The following CCSER1 variants were observed in gnomAD, a reference collection of about 807,000 sequenced individuals.
CCSER1 encodes coiled-coil serine rich protein 1, also known as serine-rich coiled-coil domain-containing protein 1.
In CCSER1, 41 loss-of-function variants were observed where a neutral mutation model predicts 82.0. The ratio of observed to expected loss-of-function variants is 0.50; its 90% CI spans 0.39 to 0.65. The LOEUF (loss-of-function observed/expected upper bound fraction) is 0.65, where lower values mean the gene tolerates loss of function less well. Among genes scored for constraint, CCSER1 ranks in the 30% least tolerant of loss-of-function variants. The pLI, the probability that CCSER1 is intolerant of heterozygous loss-of-function variation, is 0.00. For synonymous variants in CCSER1, 414 were observed against 383.9 expected, an observed-to-expected ratio of 1.08 and a Z score of -0.92; for missense variants, 1,119 against 1,064.2, an observed-to-expected ratio of 1.05 and a Z score of -0.72.
chr4:90,661,868 A>C (rs1361111533), intron 6 of CCSER1, among the ~76,000 whole-genome samples: 1 of 152,056 alleles, frequency 6.6e-6, no homozygotes, highest in Non-Finnish European at 1.5e-5. Context: ...TGTTGAGTAA[A>C]TTGAAAAAGG....
intron 5 of CCSER1, among the ~76,000 whole-genome samples, chr4:90,532,793 G>C (rs768990793): frequency 6.6e-6 from 1 of 152,040 alleles, no homozygotes; most frequent in African/African-American, 2.4e-5. Flanking sequence ...TATATCTCTA[G>C]ACCGTCCCAC....
intron 10 of CCSER1, among the ~76,000 whole-genome samples, chr4:91,467,471 C>A (rs1168465628): frequency 1.3e-5 from 2 of 152,168 alleles, no homozygotes; most frequent in Non-Finnish European, 2.9e-5. Flanking sequence ...AAACCAAAAG[C>A]AATGGCAACA....
intron 8 of CCSER1, chr4:90,918,321 T>TA (rs1315274171): frequency 2.2e-6 from 1 of 445,606 alleles, no homozygotes; most frequent in African/African-American, 2.0e-5. Flanking sequence ...CATCAACTTT[T>TA]ATGTAGGTAA....
At position 90,439,311 on chromosome 4, in the gene CCSER1, AAAAC is replaced by A. The variant is rs757595736; in HGVS notation, c.1604-28911_1604-28908del. On this transcript the variant is annotated intron_variant, in intron 4 of 10. Coordinates refer to ENST00000509176, the MANE Select transcript of CCSER1 (RefSeq NM_001145065.2). ...TCCAAAAGGAAAACAAAACAAAACAAAAACAAACAAACAAAAAAAACCAGCCTTA... is the reference window on the plus strand; with the variant it reads ...TCCAAAAGGAAAACAAAACAAAACAAAAACAAACAAAAAAAACCAGCCTTA... Among the ~76,000 whole-genome samples, 38 of 152,018 alleles carry A rather than the reference AAAAC, an allele frequency of 2.5e-4. No individual in the cohort carries two copies. The East Asian group carries it at 3.5e-3, about 14-fold the overall frequency.
chr4:91,001,656 A>G (rs1351115678), intron 9 of CCSER1, among the ~76,000 whole-genome samples: 1 of 152,132 alleles, frequency 6.6e-6, no homozygotes, highest in Admixed American at 6.5e-5. Context: ...CCTACGTGTT[A>G]GGTGAGTCTC....
chr4:90,759,459 TAGTC>T (rs1460556701), intron 7 of CCSER1, among the ~76,000 whole-genome samples: 3 of 152,254 alleles, frequency 2.0e-5, no homozygotes, highest in African/African-American at 7.2e-5. Flanking sequence ...AGAAGCAAAA[TAGTC>T]AGAACCAGAA....
chr4:91,536,341 A>T (rs530997400), intron 10 of CCSER1, among the ~76,000 whole-genome samples: 9 of 152,110 alleles, frequency 5.9e-5, no homozygotes, highest in Non-Finnish European at 1.3e-4. Flanking sequence ...TTGTATTTAG[A>T]TCATGTTTAG....
At chr4:90,368,071 G>GA (rs1312803780) in intron 3 of CCSER1, among the ~76,000 whole-genome samples, 1 of 151,812 alleles carries the variant, frequency 6.6e-6, no homozygotes, top group East Asian at 1.9e-4. Context: ...ATGCCCCTCA[G>GA]AAAAAATTAT....
intron 10 of CCSER1, chr4:91,112,687 C>T (rs1412185027): frequency 6.6e-6 from 1 of 152,126 alleles, no homozygotes; most frequent in Non-Finnish European, 1.5e-5. Context: ...TATCTCAATT[C>T]GTGTTGAATG....
intron 3 of CCSER1, among the ~76,000 whole-genome samples, chr4:90,330,530 G>A (rs1739086743): frequency 1.3e-5 from 2 of 152,144 alleles, no homozygotes; most frequent in Non-Finnish European, 2.9e-5. Context: ...GTGGGTGCCA[G>A]AGTACATTGA....
At chr4:90,295,605 ACTTGTT>A (rs1731727951) in intron 1 of CCSER1, among the ~76,000 whole-genome samples, 1 of 152,004 alleles carries the variant, frequency 6.6e-6, no homozygotes, top group African/African-American at 2.4e-5. Context: ...TTCAGGAATT[ACTTGTT>A]CTTATTCTTT....
intron 5 of CCSER1, among the ~76,000 whole-genome samples, chr4:90,556,932 C>A (rs1778210603): frequency 3.3e-5 from 5 of 151,548 alleles, no homozygotes; most frequent in Admixed American, 3.3e-4. Flanking sequence ...AGACTCCCTT[C>A]TTTATTAGCA....
At chr4:90,792,905 G>T (rs1755466375) in intron 7 of CCSER1, among the ~76,000 whole-genome samples, 1 of 152,176 alleles carries the variant, frequency 6.6e-6, no homozygotes, top group Admixed American at 6.5e-5. Flanking sequence ...AGTGCTGATA[G>T]GGCTGGTACC....
chr4:90,974,737 ATG>A (rs1735452693), intron 9 of CCSER1, among the ~76,000 whole-genome samples: 1 of 151,412 alleles, frequency 6.6e-6, no homozygotes, highest in African/African-American at 2.4e-5. Context: ...TTTGGCAGGT[ATG>A]TGGAGAAATC....
intron 10 of CCSER1, among the ~76,000 whole-genome samples, chr4:91,379,146 AGTTTGCCAC>A (rs1380772537): frequency 6.6e-6 from 1 of 152,150 alleles, no homozygotes; most frequent in African/African-American, 2.4e-5. Context: ...TGCTGGATTC[AGTTTGCCAC>A]GATTTTATTG....
In CCSER1 at chr4:90,139,689, A is replaced by G. The variant is rs754177348; in HGVS notation, c.-42+11858A>G. ...AAAATGAAGCTCGGTGCAGTGGCTCATGCCTGTAATCCTAGCACTTTGGAA... is the reference window on the plus strand; with the variant it reads ...AAAATGAAGCTCGGTGCAGTGGCTCGTGCCTGTAATCCTAGCACTTTGGAA... On this transcript the variant is annotated intron_variant, in intron 1 of 10. Coordinates refer to ENST00000509176, the MANE Select transcript of CCSER1 (RefSeq NM_001145065.2). Among the ~76,000 whole-genome samples, 7 of 152,324 alleles carry G rather than the reference A, an allele frequency of 4.6e-5. No individual in the cohort carries two copies. The East Asian group carries it at 9.6e-4, about 21-fold the overall frequency.
At chr4:91,575,141 T>C (rs960160477) in intron 10 of CCSER1, among the ~76,000 whole-genome samples, 2 of 151,948 alleles carry the variant, frequency 1.3e-5, no homozygotes, top group African/African-American at 4.8e-5. Context: ...ATAAATACTG[T>C]TGGGAAAACT....
At chr4:90,302,157 A>G (rs960351186) in intron 1 of CCSER1, among the ~76,000 whole-genome samples, 15 of 152,212 alleles carry the variant, frequency 9.9e-5, no homozygotes, top group African/African-American at 3.6e-4. Context: ...ATTTTTTAAA[A>G]TCTATGTATT....
chr4:90,151,416 T>C (rs1329729175), intron 1 of CCSER1, among the ~76,000 whole-genome samples: 1 of 152,104 alleles, frequency 6.6e-6, no homozygotes, highest in Non-Finnish European at 1.5e-5. Flanking sequence ...AGCTTTAAGA[T>C]GATTTCTATA....
Sources: gnomAD v4.1 joint callset for allele counts (sites outside exome capture counted in the v4.1 genomes callset) on GRCh38, gnomAD v4.1.1 for gene constraint, MANE v1.5 for transcripts, NCBI Gene and HGNC (gene_info 2026-07-23, HGNC 2026-07-21) for gene names.